ANXA8: variants seen among roughly 807,000 people sequenced by gnomAD.
The protein encoded by ANXA8 is VAC-beta.
ANXA8 carries 9 observed loss-of-function variants against 26.8 expected under a neutral mutation model. That is an observed-to-expected ratio of 0.34 (90% CI 0.20 to 0.59). ANXA8 has a LOEUF of 0.59. ANXA8 is among the 20% of genes least tolerant of loss of function. The pLI is 0.84. For missense variants in ANXA8, 83 were observed against 238.5 expected (o/e 0.35, Z 4.29); for synonymous variants, 39 against 94.8 (o/e 0.41, Z 3.42).
chr10:47,555,481 C>T, the ANXA8 span, among the ~76,000 whole-genome samples: 1 of 151,868 alleles, frequency 6.6e-6, no homozygotes, highest in African/African-American at 2.4e-5. Flanking sequence ...TAACAATTCC[C>T]TAGGTACACT....
Position 47,484,009 on chromosome 10 carries a change from T to G in ANXA8, c.-76A>C. On this transcript the variant is annotated 5_prime_UTR_variant, in exon 1 of 12. Coordinates refer to ENST00000585281, the MANE Select transcript of ANXA8 (RefSeq NM_001040084.3). ...GGCCTCTGCTGGGACTCCACACGTC[T>G]GGCTCCTGCAGCTGAGGAGTGAGCA... 6.2e-7 allele frequency: 1 copy of G among 1,611,656 alleles called. No homozygotes were observed. Among genetic ancestry groups the G allele is most frequent in the Non-Finnish European group, 8.5e-7 (1 of 1,179,822 alleles).
At chr10:47,969,266 C>G in the ANXA8 span, among the ~76,000 whole-genome samples, 1 of 151,496 alleles carries the variant, frequency 6.6e-6, no homozygotes, top group Non-Finnish European at 1.5e-5. Flanking sequence ...ATTGTTTCAG[C>G]TTTCCAACTA....
At chr10:47,557,348 C>T in the ANXA8 span, among the ~76,000 whole-genome samples, 6 of 151,578 alleles carry the variant, frequency 4.0e-5, no homozygotes, top group Admixed American at 2.6e-4. Flanking sequence ...ATGCAGTGCT[C>T]CTTCCCCATG....
chr10:47,970,723 T>C, the ANXA8 span, among the ~76,000 whole-genome samples: 3 of 151,554 alleles, frequency 2.0e-5, no homozygotes, highest in South Asian at 6.3e-4. Context: ...GAACTGCCAG[T>C]GTGTTTTTCA....
At chr10:47,772,178 T>C in the ANXA8 span, among the ~76,000 whole-genome samples, 1 of 151,384 alleles carries the variant, frequency 6.6e-6, no homozygotes, top group Admixed American at 6.6e-5. Context: ...GGAGAAATGG[T>C]GTTACTTAGC....
the ANXA8 span, among the ~76,000 whole-genome samples, chr10:47,544,200 T>C: frequency 6.6e-6 from 1 of 151,552 alleles, no homozygotes; most frequent in Non-Finnish European, 1.5e-5. Context: ...CCTAAACATC[T>C]CATAATTAAT....
At chr10:47,683,353 A>C in the ANXA8 span, among the ~76,000 whole-genome samples, 6 of 148,902 alleles carry the variant, frequency 4.0e-5, no homozygotes, top group African/African-American at 1.2e-4. Context: ...CTCAGCCTCC[A>C]GAGTAGCTGG....
chr10:47,954,481 T>A, the ANXA8 span, among the ~76,000 whole-genome samples: 1,812 of 148,016 alleles, frequency 0.012, 4 homozygotes, highest in Non-Finnish European at 0.018. Context: ...GATGCAGTAT[T>A]TGATAGCACA....
chr10:47,648,131 G>A, the ANXA8 span, among the ~76,000 whole-genome samples: 2 of 151,650 alleles, frequency 1.3e-5, no homozygotes, highest in East Asian at 3.8e-4. Context: ...ACTGCTCCTA[G>A]GGCAAGGGGA....
the ANXA8 span, among the ~76,000 whole-genome samples, chr10:47,709,497 TAAAA>T: frequency 6.7e-6 from 1 of 149,728 alleles, no homozygotes; most frequent in South Asian, 2.1e-4. Context: ...TATACCTTAA[TAAAA>T]AGTGAGAAAA....
At chr10:47,573,874 A>T in the ANXA8 span, among the ~76,000 whole-genome samples, 1 of 150,318 alleles carries the variant, frequency 6.7e-6, no homozygotes, top group African/African-American at 2.5e-5. Context: ...TTGGGGTATA[A>T]AAAGCAGTCC....
At chr10:47,687,828 G>A in the ANXA8 span, among the ~76,000 whole-genome samples, 8 of 152,002 alleles carry the variant, frequency 5.3e-5, no homozygotes, top group East Asian at 3.9e-4. Context: ...CGCCAGGCAC[G>A]TTGGCTCACA....
chr10:47,743,275 T>C, the ANXA8 span, among the ~76,000 whole-genome samples: 5 of 102,620 alleles, frequency 4.9e-5, no homozygotes, highest in Non-Finnish European at 8.0e-5. Flanking sequence ...CATATATATA[T>C]ATACACACAT....
At chr10:47,704,138 A>C in the ANXA8 span, among the ~76,000 whole-genome samples, 6,849 of 141,738 alleles carry the variant, frequency 0.048, 339 homozygotes, top group African/African-American at 0.085. Flanking sequence ...AATTTAAATA[A>C]CATATACATT....
the ANXA8 span, among the ~76,000 whole-genome samples, chr10:47,916,715 A>G: frequency 1.6e-4 from 21 of 132,286 alleles, no homozygotes; most frequent in South Asian, 1.0e-3. Context: ...CTGTTCTCTG[A>G]CCCACAAGAG....
the ANXA8 span, among the ~76,000 whole-genome samples, chr10:47,610,739 G>A: frequency 2.0e-5 from 3 of 149,304 alleles, no homozygotes; most frequent in Non-Finnish European, 4.5e-5. Flanking sequence ...TATTTTCTGT[G>A]GAGCTCCCAG....
chr10:47,941,551 G>A, the ANXA8 span, among the ~76,000 whole-genome samples: 1 of 147,062 alleles, frequency 6.8e-6, no homozygotes, highest in Non-Finnish European at 1.5e-5. Context: ...GCACTCGGGA[G>A]GCTGAGGCAC....
At chr10:47,646,605 A>G in the ANXA8 span, among the ~76,000 whole-genome samples, 1 of 147,920 alleles carries the variant, frequency 6.8e-6, no homozygotes, top group Non-Finnish European at 1.5e-5. Context: ...TTTTTACAAT[A>G]TGACCCTTTA....
chr10:47,617,814 T>C, the ANXA8 span, among the ~76,000 whole-genome samples: 1 of 144,354 alleles, frequency 6.9e-6, no homozygotes, highest in Non-Finnish European at 1.5e-5. Context: ...TTATCCTGTC[T>C]GCAGTGACTA....
Sources: gnomAD v4.1 joint callset for allele counts (sites outside exome capture counted in the v4.1 genomes callset) on GRCh38, gnomAD v4.1.1 for gene constraint, MANE v1.5 for transcripts, NCBI Gene and HGNC (gene_info 2026-07-23, HGNC 2026-07-21) for gene names.